ZSWIM1: variants seen among roughly 807,000 people sequenced by gnomAD.
ZSWIM1 encodes zinc finger SWIM-type containing 1.
A neutral mutation model predicts 29.3 loss-of-function variants in ZSWIM1; 22 were observed. The observed-to-expected ratio is 0.75, with a 90% CI of 0.54 to 1.07. The LOEUF is 1.07. Among genes scored for constraint, ZSWIM1 ranks in the 50% least tolerant of loss-of-function variants. The pLI, the probability that ZSWIM1 is intolerant of heterozygous loss-of-function variation, is 0.00. For synonymous variants in ZSWIM1, 228 were observed against 240.8 expected, an observed-to-expected ratio of 0.95 and a Z score of 0.49; for missense variants, 511 against 596.2, an observed-to-expected ratio of 0.86 and a Z score of 1.49.
chr20:45,883,245 G>A lies in ZSWIM1; in HGVS notation c.653G>A (p.Ser218Asn). The A allele has an allele frequency of 6.2e-7, 1 of 1,613,834 alleles. No homozygotes were observed. The highest frequency in any genetic ancestry group is 8.5e-7 in the Non-Finnish European group (1 of 1,180,036). Reference protein sequence around the residue: ...GNLRKLYTLLSNCIPPAKLPE... With the variant: ...GNLRKLYTLLNNCIPPAKLPE... ...CTGAGAAAGTTGTATACACTCCTGAGCAACTGCATCCCTCCAGCCAAGCTG... is the reference window on the plus strand; with the variant it reads ...CTGAGAAAGTTGTATACACTCCTGAACAACTGCATCCCTCCAGCCAAGCTG... The change falls in exon 2 of 2, where the codon AGC becomes AAC. Residue 218 changes from serine (S) to asparagine (N), a missense_variant. Coordinates refer to ENST00000372523, the MANE Select transcript of ZSWIM1 (RefSeq NM_080603.5).
In ZSWIM1 at chr20:45,882,590, T is replaced by G. The variant is rs778858078; in HGVS notation, c.-3T>G. 25 of 1,608,838 alleles carry G rather than the reference T, an allele frequency of 1.6e-5. No individual in the cohort carries two copies. Among genetic ancestry groups the G allele is most frequent in the Non-Finnish European group, 2.0e-5 (23 of 1,177,198 alleles). On this transcript the variant is annotated 5_prime_UTR_variant, in exon 2 of 2. Transcript: ENST00000372523. ...TGTCTAGCCTCCAGCCTCAACTTAC[T>G]TGATGCTTGAGAGACTCAAAGCCCC... is the stretch of plus-strand genomic sequence containing the variant.
At position 45,884,077 on chromosome 20, in the gene ZSWIM1, T is replaced by G. The variant is rs887618785; in HGVS notation, c.*27T>G. ...TATTCTCGATGCCCAGAGATGCTCA[T>G]GCACCTGTGCACACTCACATCCACC... is the stretch of plus-strand genomic sequence containing the variant. On this transcript the variant is annotated 3_prime_UTR_variant, in exon 2 of 2. Coordinates refer to ENST00000372523, the MANE Select transcript of ZSWIM1 (RefSeq NM_080603.5). 6.3e-7 allele frequency: 1 copy of G among 1,579,956 alleles called. No homozygotes were observed. The highest frequency in any genetic ancestry group is 1.4e-5 in the African/African-American group (1 of 73,372).
chr20:45,880,937 T>G (rs1033581149), upstream of ZSWIM1, among the ~76,000 whole-genome samples: 1 of 152,148 alleles, frequency 6.6e-6, no homozygotes. Context: ...TCCTTTTCAT[T>G]TTCTGCTTTT....
chr20:45,882,806 T>C lies in ZSWIM1; in HGVS notation c.214T>C (p.Phe72Leu), dbSNP rs1347233579. The C allele has an allele frequency of 4.3e-6, 7 of 1,614,114 alleles. No individual in the cohort carries two copies. The highest frequency in any genetic ancestry group is 5.9e-6 in the Non-Finnish European group (7 of 1,180,056). The change falls in exon 2 of 2, where the codon TTT becomes CTT. Residue 72 changes from phenylalanine (F) to leucine (L), a missense_variant. Transcript: ENST00000372523. ...CCAGAGCTGCTTTATGCAAAGTGTC[T>C]TTGACCATTTCCCTGAGATCTTATT... ...NYQSCFMQSV[F>L]DHFPEILFIH...
rs1186688715 is a variant in ZSWIM1 at position 45,884,046 on chromosome 20, T to C, written c.1454T>C (p.Leu485Pro). 6.2e-7 allele frequency: 1 copy of C among 1,607,146 alleles called. No individual in the cohort carries two copies. The highest frequency in any genetic ancestry group is 8.5e-7 in the Non-Finnish European group (1 of 1,174,880). Residue 485 changes from leucine (L) to proline (P), a missense_variant, in exon 2 of 2, where the codon CTC becomes CCC. Transcript: ENST00000372523. ...ATTGGGCCTTATGAGCAGGTCCAAC[T>C]CTGATTATTCTCGATGCCCAGAGAT... is the stretch of plus-strand genomic sequence containing the variant. ...SWIGPYEQVQ[L>P]
In ZSWIM1 at chr20:45,884,818, C is replaced by G. The variant is rs1478468195; in HGVS notation, c.*768C>G. 1 of 166,562 alleles carries G rather than the reference C, an allele frequency of 6.0e-6. No individual in the cohort carries two copies. The highest frequency in any genetic ancestry group is 2.4e-5 in the African/African-American group (1 of 41,380). 10.3% of individuals were successfully genotyped at this position (166,562 alleles called of 1,614,324 possible). On this transcript the variant is annotated 3_prime_UTR_variant, in exon 2 of 2. Coordinates refer to ENST00000372523, the MANE Select transcript of ZSWIM1 (RefSeq NM_080603.5). ...TTGAGGTCAGGAGTTCAAGACCAGC[C>G]TGGCCAACATAGTGAAACCCTGTCT...
At position 45,882,720 on chromosome 20, in the gene ZSWIM1, C is replaced by G; in HGVS notation, c.128C>G (p.Ser43Ter). The G allele has an allele frequency of 6.2e-7, 1 of 1,614,260 alleles. No individual in the cohort carries two copies. The highest frequency in any genetic ancestry group is 8.5e-7 in the Non-Finnish European group (1 of 1,180,048). ...TMLNGLLIKD[S>*]SPPMLLHQVN... ...CTGAATGGGCTCCTGATTAAGGACTCAAGCCCACCTATGCTGCTGCACCAG... is the reference window on the plus strand; with the variant it reads ...CTGAATGGGCTCCTGATTAAGGACTGAAGCCCACCTATGCTGCTGCACCAG... Residue 43 changes from serine to a stop codon, truncating the protein, a stop_gained, in exon 2 of 2, where the codon TCA becomes TGA. Transcript: ENST00000372523. LOFTEE classifies it low-confidence loss of function (END_TRUNC).
chr20:45,883,662 G>C lies in ZSWIM1; in HGVS notation c.1070G>C (p.Gly357Ala). Reference sequence around the variant, plus strand: ...GTCCAGAAATCCACACACCTCATTGGCTCTGGCTCAGAAAAGATGAACATA... The same window carrying C: ...GTCCAGAAATCCACACACCTCATTGCCTCTGGCTCAGAAAAGATGAACATA... Reference protein sequence around the residue: ...AVVQKSTHLIGSGSEKMNIQI... With the variant: ...AVVQKSTHLIASGSEKMNIQI... Residue 357 changes from glycine (G) to alanine (A), a missense_variant, in exon 2 of 2, where the codon GGC becomes GCC. Physicochemically the swap from Gly to Ala is moderately conservative, Grantham distance 60. Coordinates refer to ENST00000372523, the MANE Select transcript of ZSWIM1 (RefSeq NM_080603.5). 6.2e-7 allele frequency: 1 copy of C among 1,614,192 alleles called. No individual in the cohort carries two copies.
chr20:45,882,524 T>C lies in ZSWIM1; in HGVS notation c.-60-9T>C. The C allele has an allele frequency of 6.5e-7, 1 of 1,535,604 alleles. No homozygotes were observed. The highest frequency in any genetic ancestry group is 2.3e-5 in the East Asian group (1 of 44,426). On this transcript the variant is annotated splice_polypyrimidine_tract_variant and intron_variant, in intron 1 of 1. Transcript: ENST00000372523. ...TGCTGTCTCCTTAAACCTCTGTTAC[T>C]CTCCATAGGCCCATCTTTGGAAAAA...
In ZSWIM1 at chr20:45,882,571, G is replaced by C; in HGVS notation, c.-22G>C. On this transcript the variant is annotated 5_prime_UTR_variant, in exon 2 of 2. It removes the in-frame stop codon of an upstream open reading frame in the 5' UTR. Coordinates refer to ENST00000372523, the MANE Select transcript of ZSWIM1 (RefSeq NM_080603.5). ...AAAAAGATCTGGGAATGATTGTCTA[G>C]CCTCCAGCCTCAACTTACTTGATGC... 6.3e-7 allele frequency: 1 copy of C among 1,596,864 alleles called. No individual in the cohort carries two copies. The highest frequency in any genetic ancestry group is 8.5e-7 in the Non-Finnish European group (1 of 1,171,434).
In ZSWIM1 at chr20:45,883,929, T is replaced by C. The variant is rs1246877666; in HGVS notation, c.1337T>C (p.Leu446Pro). 5.6e-6 allele frequency: 9 copies of C among 1,614,048 alleles called. No individual in the cohort carries two copies. Among genetic ancestry groups the C allele is most frequent in the Non-Finnish European group, 5.1e-6 (6 of 1,180,008 alleles). Residue 446 changes from leucine (L) to proline (P), a missense_variant, in exon 2 of 2, where the codon CTC becomes CCC. Coordinates refer to ENST00000372523, the MANE Select transcript of ZSWIM1 (RefSeq NM_080603.5). ...TLDKHLAVTH[L>P]TEEVGQLLQH... Reference sequence around the variant, plus strand: ...GATAAGCACCTGGCAGTGACTCACCTCACCGAGGAGGTGGGTCAGCTGTTG... The same window carrying C: ...GATAAGCACCTGGCAGTGACTCACCCCACCGAGGAGGTGGGTCAGCTGTTG...
rs1382611225 is a variant in ZSWIM1, at chr20:45,885,162, C to T, written c.*1112C>T. 1 of 167,080 alleles carries T rather than the reference C, an allele frequency of 6.0e-6. No homozygotes were observed. Among genetic ancestry groups the T allele is most frequent in the African/African-American group, 2.4e-5 (1 of 41,446 alleles). The allele number at this position is 167,080 out of a possible 1,614,324, so 10.3% of individuals were successfully genotyped here. A position where few individuals can be genotyped will look rare whatever the true frequency, so the allele number is the denominator to read the frequency against. On this transcript the variant is annotated 3_prime_UTR_variant, in exon 2 of 2. Transcript: ENST00000372523. ...TTAAGTGAGCTGGGCTGGGAGGCTT[C>T]CTACAGGGGAAGAGGCCCCTCTGGG...
In ZSWIM1 at chr20:45,882,109, C is replaced by T. The variant is rs185073561; in HGVS notation, c.-60-424C>T. Among the ~76,000 whole-genome samples, 234 of 152,306 alleles carry T rather than the reference C, an allele frequency of 1.5e-3. 1 individual carries two copies. The highest frequency in any genetic ancestry group is 5.3e-3 in the African/African-American group (220 of 41,564). ...CAAGTTATCTGCCCACCTTGGCCTC[C>T]CAAAGTACTGGGATTACAGGTGTGA... On this transcript the variant is annotated intron_variant, in intron 1 of 1. Transcript: ENST00000372523.
At chr20:45,881,102 CA>C (rs1487544702), upstream of ZSWIM1, 2 of 152,340 alleles carry the variant, frequency 1.3e-5, no homozygotes, top group Non-Finnish European at 2.9e-5. Flanking sequence ...CGCGAATCGT[CA>C]CGCTACGATT....
At position 45,883,971 on chromosome 20, in the gene ZSWIM1, A is replaced by C; in HGVS notation, c.1379A>C (p.Glu460Ala). ...VGQLLQHCTK[E>A]EFERRYSTLR... ...CAGCTGTTGCAGCACTGCACCAAGG[A>C]GGAGTTTGAGCGGAGGTATAGCACC... The change falls in exon 2 of 2, where the codon GAG (glutamate) becomes GCG (alanine). Residue 460 changes from glutamate to alanine, a missense_variant. Glu to Ala is a moderately radical substitution (Grantham distance 107). Transcript: ENST00000372523. 1 of 1,614,184 alleles carries C rather than the reference A, an allele frequency of 6.2e-7. No individual in the cohort carries two copies. The highest frequency in any genetic ancestry group is 8.5e-7 in the Non-Finnish European group (1 of 1,180,026).
Position 45,884,073 on chromosome 20 carries a change from C to A in ZSWIM1, c.*23C>A. Reference sequence around the variant, plus strand: ...TGATTATTCTCGATGCCCAGAGATGCTCATGCACCTGTGCACACTCACATC... The same window carrying A: ...TGATTATTCTCGATGCCCAGAGATGATCATGCACCTGTGCACACTCACATC... On this transcript the variant is annotated 3_prime_UTR_variant, in exon 2 of 2. Coordinates refer to ENST00000372523, the MANE Select transcript of ZSWIM1 (RefSeq NM_080603.5). 6.3e-7 allele frequency: 1 copy of A among 1,588,650 alleles called. No homozygotes were observed. Among genetic ancestry groups the A allele is most frequent in the Non-Finnish European group, 8.6e-7 (1 of 1,165,738 alleles).
At position 45,883,692 on chromosome 20, in the gene ZSWIM1, T is replaced by TC. The variant is rs773649838; in HGVS notation, c.1102dup (p.Leu368ProfsTer6). The TC allele has an allele frequency of 2.5e-6, 4 of 1,613,974 alleles. No homozygotes were observed. Among genetic ancestry groups the TC allele is most frequent in the Middle Eastern group, 1.6e-4 (1 of 6,084 alleles). ...GGCTCAGAAAAGATGAACATACAGA[T>TC]CCTGGAAGATACCCATAAGGTGCAG... On this transcript the variant is annotated frameshift_variant, in exon 2 of 2. Transcript: ENST00000372523. LOFTEE classifies it high-confidence loss of function.
In ZSWIM1 at chr20:45,885,158, G is replaced by C. The variant is rs575035229; in HGVS notation, c.*1108G>C. 2.0e-4 allele frequency: 34 copies of C among 167,102 alleles called. No individual in the cohort carries two copies. The highest frequency in any genetic ancestry group is 1.4e-3 in the Admixed American group (22 of 15,288). 10.4% of individuals were successfully genotyped at this position (167,102 alleles called of 1,614,324 possible). ...TCCTTTAAGTGAGCTGGGCTGGGAGGCTTCCTACAGGGGAAGAGGCCCCTC... is the reference window on the plus strand; with the variant it reads ...TCCTTTAAGTGAGCTGGGCTGGGAGCCTTCCTACAGGGGAAGAGGCCCCTC... On this transcript the variant is annotated 3_prime_UTR_variant, in exon 2 of 2. Coordinates refer to ENST00000372523, the MANE Select transcript of ZSWIM1 (RefSeq NM_080603.5).
chr20:45,883,784 C>G lies in ZSWIM1; in HGVS notation c.1192C>G (p.Leu398Val), dbSNP rs758652457. 1.2e-6 allele frequency: 2 copies of G among 1,613,846 alleles called. No homozygotes were observed. ...QAFHLPCRHI[L>V]AMLSARRQVL... is the part of the protein sequence containing the mutation. ...CTTCCACCTGCCCTGCCGCCACATC[C>G]TAGCCATGCTCAGTGCCCGCCGCCA... The change falls in exon 2 of 2, where the codon CTA (leucine) becomes GTA (valine). Residue 398 changes from leucine to valine, a missense_variant. Leu to Val is a conservative substitution (Grantham distance 32). Transcript: ENST00000372523.
Sources: gnomAD v4.1 joint callset for allele counts (sites outside exome capture counted in the v4.1 genomes callset) on GRCh38, gnomAD v4.1.1 for gene constraint, MANE v1.5 for transcripts, NCBI Gene and HGNC (gene_info 2026-07-23, HGNC 2026-07-21) for gene names.